LINGO2: variants seen among roughly 807,000 people sequenced by gnomAD.
LINGO2 encodes leucine rich repeat and Ig domain containing 2, also known as leucine-rich repeat and immunoglobulin-like domain-containing nogo receptor-interacting protein 2.
Under a neutral mutation model 30.6 loss-of-function variants are expected in LINGO2, and 14 were observed. That is an observed-to-expected ratio of 0.46 (90% CI 0.30 to 0.72). The LOEUF (loss-of-function observed/expected upper bound fraction) is 0.72, where lower values mean the gene tolerates loss of function less well. Among genes scored for constraint, LINGO2 ranks in the 30% least tolerant of loss-of-function variants. The pLI is 0.07. For synonymous variants in LINGO2, 317 were observed against 288.5 expected (o/e 1.10, Z -1.00); for missense variants, 729 against 751.7 (o/e 0.97, Z 0.35).
intron 4 of LINGO2, among the ~76,000 whole-genome samples, chr9:28,044,055 G>A (rs1824309465): frequency 1.3e-5 from 2 of 152,158 alleles, no homozygotes; most frequent in African/African-American, 4.8e-5. Context: ...AGCAGTTTTA[G>A]ATCTGTCTTT....
the LINGO2 span, among the ~76,000 whole-genome samples, chr9:28,735,409 C>A: frequency 6.6e-6 from 1 of 152,096 alleles, no homozygotes; most frequent in Non-Finnish European, 1.5e-5. Context: ...AGTAAATTTA[C>A]ATTTGCTGAT....
intron 1 of LINGO2, among the ~76,000 whole-genome samples, chr9:28,584,894 G>C (rs1168148977): frequency 1.3e-5 from 2 of 151,832 alleles, no homozygotes; most frequent in Non-Finnish European, 2.9e-5. Context: ...GTACAGTTGT[G>C]TTGCAATGTA....
Position 28,196,653 on chromosome 9 carries a change from T to C in LINGO2, c.-87+98555A>G, listed in dbSNP as rs571226225. Among the ~76,000 whole-genome samples, 41 of 152,074 alleles carry C rather than the reference T, an allele frequency of 2.7e-4. 1 individual carries two copies. In the South Asian group the frequency reaches 8.5e-3, roughly 31 times the overall value. ...TTTTAGATAGGAAGATTCAAGATTATCAGGGTATCAGTTCTCTTAAATCAA... is the reference window on the plus strand; with the variant it reads ...TTTTAGATAGGAAGATTCAAGATTACCAGGGTATCAGTTCTCTTAAATCAA... On this transcript the variant is annotated intron_variant, in intron 4 of 5. Coordinates refer to ENST00000379992, the Ensembl canonical transcript of LINGO2.
chr9:28,953,557 G>A, the LINGO2 span, among the ~76,000 whole-genome samples: 1 of 152,024 alleles, frequency 6.6e-6, no homozygotes, highest in Non-Finnish European at 1.5e-5. Flanking sequence ...TTAGGGGAGT[G>A]AGACTGTTCT....
At chr9:28,489,131 A>G (rs144971171) in intron 1 of LINGO2, among the ~76,000 whole-genome samples, 1 of 152,242 alleles carries the variant, frequency 6.6e-6, no homozygotes, top group Admixed American at 6.5e-5. Context: ...ACATTCTGGC[A>G]TAAATTGTCA....
At chr9:29,102,749 G>A in the LINGO2 span, among the ~76,000 whole-genome samples, 2 of 152,012 alleles carry the variant, frequency 1.3e-5, no homozygotes, top group South Asian at 4.2e-4. Context: ...ATAAATCGTA[G>A]TGTTTTTCTC....
intron 4 of LINGO2, among the ~76,000 whole-genome samples, chr9:28,044,159 G>GA (rs1824313819): frequency 6.6e-6 from 1 of 152,134 alleles, no homozygotes; most frequent in Non-Finnish European, 1.5e-5. Context: ...TGATGCAGTT[G>GA]AAAGAATGGC....
the LINGO2 span, among the ~76,000 whole-genome samples, chr9:28,676,638 G>A: frequency 1.3e-5 from 2 of 152,076 alleles, no homozygotes; most frequent in African/African-American, 4.8e-5. Flanking sequence ...TGGTGGTGTT[G>A]GTGGTGGTGG....
intron 4 of LINGO2, among the ~76,000 whole-genome samples, chr9:28,280,841 A>C (rs1387569844): frequency 6.6e-6 from 1 of 152,134 alleles, no homozygotes; most frequent in Non-Finnish European, 1.5e-5. Flanking sequence ...TTCTGCAAAA[A>C]GTTTTCTATC....
the LINGO2 span, among the ~76,000 whole-genome samples, chr9:28,702,276 T>C: frequency 6.6e-6 from 1 of 151,804 alleles, no homozygotes; most frequent in East Asian, 1.9e-4. Flanking sequence ...GTAGATGTTC[T>C]TTACCAAGTA....
intron 5 of LINGO2, among the ~76,000 whole-genome samples, chr9:27,968,829 T>G (rs1820221826): frequency 6.6e-6 from 1 of 151,738 alleles, no homozygotes; most frequent in Admixed American, 6.6e-5. Flanking sequence ...TTCCCTGTTA[T>G]GGTAATTTAC....
intron 3 of LINGO2, among the ~76,000 whole-genome samples, chr9:28,333,745 T>G (rs1825499950): frequency 6.6e-6 from 1 of 152,176 alleles, no homozygotes; most frequent in Non-Finnish European, 1.5e-5. Context: ...ACACAGTTCT[T>G]TAAAAGTCAT....
At chr9:28,073,995 T>C (rs571518490) in intron 4 of LINGO2, among the ~76,000 whole-genome samples, 2 of 152,354 alleles carry the variant, frequency 1.3e-5, no homozygotes, top group African/African-American at 4.8e-5. Flanking sequence ...GTCTTGAGCA[T>C]ATCAGAATAT....
chr9:28,296,587 A>C (rs951348470), intron 3 of LINGO2, among the ~76,000 whole-genome samples: 1 of 152,224 alleles, frequency 6.6e-6, no homozygotes, highest in African/African-American at 2.4e-5. Flanking sequence ...AAGGCACAAC[A>C]GTATGATATC....
chr9:29,081,740 G>T, the LINGO2 span, among the ~76,000 whole-genome samples: 26 of 152,198 alleles, frequency 1.7e-4, no homozygotes, highest in Non-Finnish European at 3.2e-4. Context: ...AAAGTCTGAG[G>T]ATACAAAATC....
At chr9:28,946,550 T>C in the LINGO2 span, among the ~76,000 whole-genome samples, 3 of 152,186 alleles carry the variant, frequency 2.0e-5, no homozygotes, top group Non-Finnish European at 4.4e-5. Flanking sequence ...CTTATTGATG[T>C]TGGAGAGTCT....
chr9:28,265,143 C>T (rs1822701246), intron 4 of LINGO2, among the ~76,000 whole-genome samples: 1 of 151,134 alleles, frequency 6.6e-6, no homozygotes, highest in African/African-American at 2.4e-5. Context: ...CAAATATCTT[C>T]ATATATGTGT....
chr9:28,699,529 T>A, the LINGO2 span, among the ~76,000 whole-genome samples: 19 of 152,028 alleles, frequency 1.2e-4, no homozygotes, highest in African/African-American at 4.6e-4. Flanking sequence ...TTGAACAATA[T>A]GAAATCAGTG....
At chr9:28,913,439 A>G in the LINGO2 span, among the ~76,000 whole-genome samples, 1 of 152,250 alleles carries the variant, frequency 6.6e-6, no homozygotes, top group South Asian at 2.1e-4. Flanking sequence ...TGAAATTAGT[A>G]CTGTTGCATG....
Sources: gnomAD v4.1 joint callset for allele counts (sites outside exome capture counted in the v4.1 genomes callset) on GRCh38, gnomAD v4.1.1 for gene constraint, MANE v1.5 for transcripts, NCBI Gene and HGNC (gene_info 2026-07-23, HGNC 2026-07-21) for gene names.